The following NSUN6 variants were observed in gnomAD, a reference collection of about 807,000 sequenced individuals.
The protein encoded by NSUN6 is tRNA (cytosine(72)-C(5))-methyltransferase NSUN6.
In NSUN6, 64 loss-of-function variants were observed where a neutral mutation model predicts 58.0. That is an observed-to-expected ratio of 1.10 (90% CI 0.90 to 1.36). NSUN6 has a LOEUF of 1.36. Among genes scored for constraint, NSUN6 ranks in the 40% most tolerant of loss-of-function variants. The pLI, the probability that NSUN6 is intolerant of heterozygous loss-of-function variation, is 0.00. For missense variants in NSUN6, 701 were observed against 550.1 expected (o/e 1.27, Z -2.74); for synonymous variants, 231 against 193.9 (o/e 1.19, Z -1.59).
intron 8 of NSUN6, among the ~76,000 whole-genome samples, chr10:18,554,748 T>C (rs2054859000): frequency 6.7e-6 from 1 of 149,914 alleles, no homozygotes; most frequent in Non-Finnish European, 1.5e-5. Flanking sequence ...GGGAATGGAA[T>C]GGAGAATGGA....
intron 8 of NSUN6, among the ~76,000 whole-genome samples, chr10:18,584,617 T>C (rs2057045806): frequency 6.6e-6 from 1 of 151,952 alleles, no homozygotes; most frequent in South Asian, 2.1e-4. Flanking sequence ...AAGGTAATAT[T>C]CAAAAAATTA....
intron 6 of NSUN6, among the ~76,000 whole-genome samples, chr10:18,600,218 A>T (rs2057751004): frequency 6.6e-6 from 1 of 152,146 alleles, no homozygotes; most frequent in Non-Finnish European, 1.5e-5. Flanking sequence ...AAGAGTCATC[A>T]AAAACCAAAG....
At chr10:18,569,282 A>T (rs1261201983) in intron 8 of NSUN6, among the ~76,000 whole-genome samples, 1 of 146,940 alleles carries the variant, frequency 6.8e-6, no homozygotes, top group Non-Finnish European at 1.5e-5. Context: ...TCCATTCTCC[A>T]TACCATCCTC....
At chr10:18,551,668 C>T (rs2054612011) in intron 9 of NSUN6, 155 bp downstream of exon 9, 1 of 584,258 alleles carries the variant, frequency 1.7e-6, no homozygotes, top group South Asian at 2.7e-5. Context: ...ATGGATATAG[C>T]ACATTCTGTT....
At chr10:18,626,041 G>A (rs759752725) in intron 3 of NSUN6, among the ~76,000 whole-genome samples, 2 of 152,042 alleles carry the variant, frequency 1.3e-5, no homozygotes, top group Non-Finnish European at 2.9e-5. Flanking sequence ...AGAAAGTAAC[G>A]CAGTACGTAA....
intron 8 of NSUN6, among the ~76,000 whole-genome samples, chr10:18,577,397 A>C (rs748818925): frequency 1.8e-4 from 28 of 152,136 alleles, no homozygotes; most frequent in Non-Finnish European, 5.9e-5. Flanking sequence ...GGAAAGGAAT[A>C]ATAGCCTCAA....
At chr10:18,566,671 G>A (rs1464407580) in intron 8 of NSUN6, among the ~76,000 whole-genome samples, 1 of 140,700 alleles carries the variant, frequency 7.1e-6, no homozygotes, top group Non-Finnish European at 1.5e-5. Flanking sequence ...CCATTCCATT[G>A]AATGCTCCAT....
chr10:18,643,350 G>A (rs1189878769), intron 2 of NSUN6, among the ~76,000 whole-genome samples: 1 of 151,664 alleles, frequency 6.6e-6, no homozygotes, highest in Non-Finnish European at 1.5e-5. Context: ...AGGGCAGCAC[G>A]CAAATATCTG....
At chr10:18,651,821 T>C, upstream of NSUN6, 1 of 985,434 alleles carries the variant, frequency 1.0e-6, no homozygotes. Flanking sequence ...TCAAAGATAT[T>C]TAGTTCCCGG....
intron 8 of NSUN6, among the ~76,000 whole-genome samples, chr10:18,561,953 GGAATGGAATGGA>G (rs1029913478): frequency 1.3e-5 from 2 of 150,334 alleles, no homozygotes; most frequent in East Asian, 3.9e-4. Flanking sequence ...GGAAAAGAGT[GGAATGGAATGGA>G]GAATGGAATG....
chr10:18,573,971 A>T (rs1455492796), intron 8 of NSUN6, among the ~76,000 whole-genome samples: 1 of 152,112 alleles, frequency 6.6e-6, no homozygotes, highest in Non-Finnish European at 1.5e-5. Flanking sequence ...TATCCTGTGG[A>T]CTTCTGAGGA....
intron 3 of NSUN6, among the ~76,000 whole-genome samples, chr10:18,628,455 C>G (rs891642212): frequency 6.6e-6 from 1 of 152,124 alleles, no homozygotes; most frequent in Admixed American, 6.5e-5. Flanking sequence ...CCAAATTACT[C>G]CGAGCTACGG....
chr10:18,594,926 C>A (rs2057526569), intron 7 of NSUN6, among the ~76,000 whole-genome samples: 1 of 151,878 alleles, frequency 6.6e-6, no homozygotes, highest in African/African-American at 2.4e-5. Flanking sequence ...TTTTTAATAC[C>A]ATGAAAAGCA....
intron 8 of NSUN6, among the ~76,000 whole-genome samples, chr10:18,554,726 T>A (rs746287414): frequency 6.8e-6 from 1 of 146,168 alleles, no homozygotes; most frequent in Non-Finnish European, 1.5e-5. Context: ...TGCAGTGGAG[T>A]GGAGAATGTA....
intron 8 of NSUN6, among the ~76,000 whole-genome samples, chr10:18,566,259 C>T (rs2055930537): frequency 6.7e-6 from 1 of 150,134 alleles, no homozygotes; most frequent in Non-Finnish European, 1.5e-5. Flanking sequence ...ACATTCCATT[C>T]CGTTCTCCAT....
Position 18,619,962 on chromosome 10 carries a change from T to A in NSUN6, c.312-3669A>T, listed in dbSNP as rs186593896. ...ATATTATAAAACATCCCTTTTTTTT[T>A]AAATATTCATTGAAAACATTAAATT... On this transcript the variant is annotated intron_variant, in intron 3 of 10. Coordinates refer to ENST00000377304, the MANE Select transcript of NSUN6 (RefSeq NM_182543.5). Among the ~76,000 whole-genome samples the A allele has an allele frequency of 4.1e-3, 628 of 152,296 alleles. 6 individuals are homozygous for A. The highest frequency in any genetic ancestry group is 0.013 in the African/African-American group (560 of 41,568).
chr10:18,652,278 T>C (rs1444036567), upstream of NSUN6: 2 of 984,708 alleles, frequency 2.0e-6, no homozygotes, highest in African/African-American at 3.5e-5. Context: ...AACGAGGATA[T>C]CTAACCAAAC....
chr10:18,659,322 T>A (rs926693053), upstream of NSUN6: 3 of 337,794 alleles, frequency 8.9e-6, no homozygotes, highest in Admixed American at 5.0e-5. Flanking sequence ...CGATGGGTGG[T>A]CCTGGGATCC....
At chr10:18,561,922 G>C (rs1343966033) in intron 8 of NSUN6, among the ~76,000 whole-genome samples, 1 of 149,156 alleles carries the variant, frequency 6.7e-6, no homozygotes, top group Non-Finnish European at 1.5e-5. Flanking sequence ...AATGGAGAAT[G>C]GAATGAATGG....
Sources: gnomAD v4.1 joint callset for allele counts (sites outside exome capture counted in the v4.1 genomes callset) on GRCh38, gnomAD v4.1.1 for gene constraint, MANE v1.5 for transcripts, NCBI Gene and HGNC (gene_info 2026-07-23, HGNC 2026-07-21) for gene names.